MAGI2: variants seen among roughly 807,000 people sequenced by gnomAD.
The protein encoded by MAGI2 is membrane-associated guanylate kinase, WW and PDZ domain-containing protein 2.
A neutral mutation model predicts 133.3 loss-of-function variants in MAGI2; 35 were observed. That is an observed-to-expected ratio of 0.26 (90% CI 0.20 to 0.35). MAGI2 has a LOEUF of 0.35. Among genes scored for constraint, MAGI2 ranks in the 10% least tolerant of loss-of-function variants. The pLI, the probability that MAGI2 is intolerant of heterozygous loss-of-function variation, is 1.00. For missense variants in MAGI2, 1,636 were observed against 1,863.4 expected (o/e 0.88, Z 2.25); for synonymous variants, 729 against 710.6 (o/e 1.03, Z -0.41).
intron 1 of MAGI2, among the ~76,000 whole-genome samples, chr7:79,317,091 C>A (rs964846938): frequency 7.2e-6 from 1 of 139,178 alleles, no homozygotes; most frequent in Non-Finnish European, 1.5e-5. Context: ...GGCATGATCT[C>A]GGCTCACTGC....
chr7:78,217,222 C>G (rs531451136), intron 10 of MAGI2, among the ~76,000 whole-genome samples: 47 of 152,276 alleles, frequency 3.1e-4, no homozygotes, highest in African/African-American at 1.1e-3. Flanking sequence ...CCTTTAACAA[C>G]CCCTTACATT....
At chr7:78,934,395 T>C (rs746482945) in intron 2 of MAGI2, among the ~76,000 whole-genome samples, 72 of 152,170 alleles carry the variant, frequency 4.7e-4, no homozygotes, top group Non-Finnish European at 1.0e-3. Flanking sequence ...TGAGCTACCG[T>C]GCCCGGCCAG....
intron 2 of MAGI2, among the ~76,000 whole-genome samples, chr7:78,813,769 G>A (rs1236074152): frequency 8.5e-6 from 1 of 117,694 alleles, no homozygotes; most frequent in African/African-American, 3.3e-5. Flanking sequence ...CTGGGTGACA[G>A]AGTGAGATTC....
chr7:79,331,738 T>A lies in MAGI2; in HGVS notation c.301+121282A>T, dbSNP rs1317313234. ...TATGACAGAAGCACGTTTTCTTCAGTATTCTCCTTGGAAATTGGTCATGTA... is the reference window on the plus strand; with the variant it reads ...TATGACAGAAGCACGTTTTCTTCAGAATTCTCCTTGGAAATTGGTCATGTA... On this transcript the variant is annotated intron_variant, in intron 1 of 21. Coordinates refer to ENST00000354212, the MANE Select transcript of MAGI2 (RefSeq NM_012301.4). Among the ~76,000 whole-genome samples, 8 of 152,170 alleles carry A rather than the reference T, an allele frequency of 5.3e-5. No homozygotes were observed. In the East Asian group the frequency reaches 1.4e-3, roughly 26 times the overall value.
intron 1 of MAGI2, among the ~76,000 whole-genome samples, chr7:79,019,772 T>C (rs1393588399): frequency 6.6e-5 from 10 of 152,176 alleles, no homozygotes; most frequent in Non-Finnish European, 1.5e-4. Flanking sequence ...CTCGAACTCC[T>C]GACCTCAGGT....
intron 2 of MAGI2, among the ~76,000 whole-genome samples, chr7:78,694,027 T>C (rs947104759): frequency 6.6e-6 from 1 of 152,072 alleles, no homozygotes; most frequent in African/African-American, 2.4e-5. Context: ...AACAGACAGA[T>C]TTAAGGGCAG....
intron 1 of MAGI2, among the ~76,000 whole-genome samples, chr7:79,073,968 T>C (rs185861293): frequency 6.8e-4 from 104 of 152,264 alleles, no homozygotes; most frequent in Admixed American, 2.2e-3. Context: ...GACAACCTCA[T>C]AGATTTTCAA....
chr7:78,060,975 G>C (rs887059003), intron 21 of MAGI2, among the ~76,000 whole-genome samples: 2 of 151,932 alleles, frequency 1.3e-5, no homozygotes, highest in African/African-American at 4.8e-5. Context: ...AGACCAGCCT[G>C]GCCAACATGG....
chr7:78,750,255 C>T (rs1823328513), intron 2 of MAGI2, among the ~76,000 whole-genome samples: 2 of 152,096 alleles, frequency 1.3e-5, no homozygotes, highest in South Asian at 4.1e-4. Flanking sequence ...TGTATATGTG[C>T]CATATTTTCT....
chr7:79,077,602 AAT>A lies in MAGI2; in HGVS notation c.302-70398_302-70397del, dbSNP rs1562865640. Among the ~76,000 whole-genome samples the A allele has an allele frequency of 8.0e-3, 437 of 54,332 alleles. 116 individuals are homozygous for A. The highest frequency in any genetic ancestry group is 0.011 in the Non-Finnish European group (247 of 22,392). The allele number at this position is 54,332 out of a possible 152,430, so 35.6% of individuals were successfully genotyped here. A position where few individuals can be genotyped will look rare whatever the true frequency, so the allele number is the denominator to read the frequency against. On this transcript the variant is annotated intron_variant, in intron 1 of 21. Coordinates refer to ENST00000354212, the MANE Select transcript of MAGI2 (RefSeq NM_012301.4). ...AAAAAAAAAAAAAAAAAAATAAATA[AAT>A]AAATAAATTCCCTTTTGCTTAACTA...
intron 1 of MAGI2, among the ~76,000 whole-genome samples, chr7:79,306,595 T>C (rs73375111): frequency 1.9e-3 from 290 of 152,300 alleles, no homozygotes; most frequent in African/African-American, 6.5e-3. Context: ...TACCTTGTCA[T>C]GATGCAGATT....
At chr7:79,244,977 C>G (rs1832717947) in intron 1 of MAGI2, among the ~76,000 whole-genome samples, 1 of 152,174 alleles carries the variant, frequency 6.6e-6, no homozygotes, top group African/African-American at 2.4e-5. Context: ...TGAAGTTCCT[C>G]TTCCAAAACC....
chr7:78,978,478 G>T (rs188419161), intron 2 of MAGI2, among the ~76,000 whole-genome samples: 2 of 151,924 alleles, frequency 1.3e-5, no homozygotes, highest in East Asian at 3.9e-4. Flanking sequence ...AACAGATGAG[G>T]GGTTCAGGAA....
chr7:78,574,836 C>T (rs571919430), intron 3 of MAGI2, among the ~76,000 whole-genome samples: 3 of 152,230 alleles, frequency 2.0e-5, no homozygotes, highest in East Asian at 1.9e-4. Context: ...AAGGTGATGA[C>T]GGTGAATAAC....
chr7:79,371,430 C>CT (rs1386176347), intron 1 of MAGI2, among the ~76,000 whole-genome samples: 2 of 151,918 alleles, frequency 1.3e-5, no homozygotes, highest in Non-Finnish European at 2.9e-5. Context: ...CATGACATTC[C>CT]TGTTAACTAC....
intron 3 of MAGI2, among the ~76,000 whole-genome samples, chr7:78,621,999 C>G (rs898673753): frequency 3.3e-5 from 5 of 152,022 alleles, no homozygotes; most frequent in Non-Finnish European, 4.4e-5. Flanking sequence ...TTGGCTTTCT[C>G]TATGATGAGC....
At chr7:78,986,555 G>A (rs1292560402) in intron 2 of MAGI2, among the ~76,000 whole-genome samples, 2 of 151,796 alleles carry the variant, frequency 1.3e-5, no homozygotes, top group African/African-American at 4.8e-5. Flanking sequence ...CCTTGTTGTA[G>A]AGATGAGCAA....
At chr7:78,054,940 A>C (rs891640312) in intron 21 of MAGI2, among the ~76,000 whole-genome samples, 2 of 151,958 alleles carry the variant, frequency 1.3e-5, no homozygotes, top group East Asian at 1.9e-4. Flanking sequence ...GGTGTGAGCC[A>C]CTATGGTTGA....
At chr7:79,258,605 C>T (rs568344735) in intron 1 of MAGI2, among the ~76,000 whole-genome samples, 1 of 152,272 alleles carries the variant, frequency 6.6e-6, no homozygotes, top group Admixed American at 6.5e-5. Flanking sequence ...CTCACTGTGG[C>T]TCTAAAAAGT....
Sources: gnomAD v4.1 joint callset for allele counts (sites outside exome capture counted in the v4.1 genomes callset) on GRCh38, gnomAD v4.1.1 for gene constraint, MANE v1.5 for transcripts, NCBI Gene and HGNC (gene_info 2026-07-23, HGNC 2026-07-21) for gene names.